PTK2B: variants seen among roughly 807,000 people sequenced by gnomAD.
PTK2B encodes the protein protein tyrosine kinase 2 beta.
PTK2B carries 71 observed loss-of-function variants against 142.9 expected under a neutral mutation model. The observed-to-expected ratio is 0.50, with a 90% CI of 0.41 to 0.61. The LOEUF (loss-of-function observed/expected upper bound fraction) is 0.61. Ranked by LOEUF, PTK2B falls within the 20% of genes least tolerant of loss-of-function variation. The probability of loss-of-function intolerance (pLI) is 0.00; values close to 1 mark genes in which losing one functional copy is unlikely to be tolerated. For synonymous variants in PTK2B, 519 were observed against 503.4 expected, an observed-to-expected ratio of 1.03 and a Z score of -0.42; for missense variants, 1,105 against 1,320.4, an observed-to-expected ratio of 0.84 and a Z score of 2.53.
intron 21 of PTK2B, among the ~76,000 whole-genome samples, 162 bp downstream of exon 21, chr8:27,440,603 A>G (rs1173528702): frequency 1.3e-5 from 2 of 152,214 alleles, no homozygotes; most frequent in Non-Finnish European, 2.9e-5. Flanking sequence ...GAGCTCAGAG[A>G]TAAGGCAGCC....
chr8:27,353,957 C>A (rs1805252017), intron 1 of PTK2B, among the ~76,000 whole-genome samples: 1 of 152,082 alleles, frequency 6.6e-6, no homozygotes, highest in African/African-American at 2.4e-5. Flanking sequence ...GGCTCACATA[C>A]CCAAATTAAG....
chr8:27,311,507 G>A, exon 1 of PTK2B: 1 of 525,678 alleles, frequency 1.9e-6, no homozygotes, highest in East Asian at 3.3e-5. Flanking sequence ...TCAGGTCCGG[G>A]CGGGTCCCTG....
chr8:27,422,196 G>A, intron 4 of PTK2B, 108 bp from the exon 5 acceptor site: 1 of 1,030,590 alleles, frequency 9.7e-7, no homozygotes, highest in South Asian at 1.7e-5. Flanking sequence ...TGGGGTGGGT[G>A]GCTGTCACTC....
chr8:27,397,461 G>A (rs1372321724), intron 1 of PTK2B, 87 bp from the exon 2 acceptor site: 36 of 1,008,484 alleles, frequency 3.6e-5, no homozygotes, highest in Non-Finnish European at 5.0e-5. Context: ...GTCTGTCTTG[G>A]AGCTCGGTGG....
At position 27,432,321 on chromosome 8, in the gene PTK2B, G is replaced by A. The variant is rs564271202; in HGVS notation, c.947G>A (p.Gly316Asp). 6.2e-7 allele frequency: 1 copy of A among 1,614,022 alleles called. No individual in the cohort carries two copies. Among genetic ancestry groups the A allele is most frequent in the African/African-American group, 1.3e-5 (1 of 75,024 alleles). ...RSIRCLPLEE[G>D]QAVLQLGIEG... Reference sequence around the variant, plus strand: ...ATCAGGTGCCTCCCGCTGGAGGAGGGCCAGGCAGTACTTCAGCTGGGCATT... The same window carrying A: ...ATCAGGTGCCTCCCGCTGGAGGAGGACCAGGCAGTACTTCAGCTGGGCATT... Residue 316 changes from glycine to aspartate, a missense_variant, in exon 10 of 31, where the codon GGC becomes GAC. By Grantham distance (94) the Gly-to-Asp change is moderately conservative. Transcript: ENST00000346049.
chr8:27,320,980 C>CTGTTTTTTTTTT (rs1803199335), upstream of PTK2B, among the ~76,000 whole-genome samples: 1 of 39,398 alleles, frequency 2.5e-5, no homozygotes, highest in African/African-American at 1.0e-4. Context: ...ATACAAAAGG[C>CTGTTTTTTTTTT]TTTTTTTTTT....
chr8:27,342,790 A>C (rs1804485459), intron 1 of PTK2B, among the ~76,000 whole-genome samples: 1 of 152,142 alleles, frequency 6.6e-6, no homozygotes, highest in Non-Finnish European at 1.5e-5. Flanking sequence ...CTTACACTAT[A>C]GTCCTGAGGA....
intron 1 of PTK2B, among the ~76,000 whole-genome samples, chr8:27,373,837 A>C (rs1806504317): frequency 6.6e-6 from 1 of 151,952 alleles, no homozygotes; most frequent in Admixed American, 6.6e-5. Context: ...GAGCCTTGGG[A>C]TGGGATCTTC....
chr8:27,435,810 G>T lies in PTK2B; in HGVS notation c.1243+17G>T, dbSNP rs755179598. ...GGCCCGGAGGTAGGTTCTCGACCCCGCCACAGCGACCGTAGTCAAGGCCCT... is the reference window on the plus strand; with the variant it reads ...GGCCCGGAGGTAGGTTCTCGACCCCTCCACAGCGACCGTAGTCAAGGCCCT... On this transcript the variant is annotated intron_variant, in intron 14 of 30. Transcript: ENST00000346049. 6.2e-7 allele frequency: 1 copy of T among 1,612,650 alleles called. No individual in the cohort carries two copies. Among genetic ancestry groups the T allele is most frequent in the Non-Finnish European group, 8.5e-7 (1 of 1,178,784 alleles).
chr8:27,310,714 G>A, upstream of PTK2B: 2 of 1,416,742 alleles, frequency 1.4e-6, no homozygotes, highest in Non-Finnish European at 1.9e-6. Flanking sequence ...CTGGGCTCTG[G>A]CAGGCAGGAG....
chr8:27,342,085 G>C (rs1458578913), intron 1 of PTK2B, among the ~76,000 whole-genome samples: 2 of 152,122 alleles, frequency 1.3e-5, no homozygotes, highest in African/African-American at 2.4e-5. Context: ...GACGCTGCTG[G>C]CCTGGGAACC....
chr8:27,335,312 G>T (rs1563470055), intron 1 of PTK2B, among the ~76,000 whole-genome samples: 1 of 152,218 alleles, frequency 6.6e-6, no homozygotes, highest in Non-Finnish European at 1.5e-5. Context: ...TGCTTTCAGG[G>T]CCAATTGCAG....
intron 25 of PTK2B, 28 bp from the exon 26 acceptor site, chr8:27,451,015 T>C: frequency 6.2e-7 from 1 of 1,611,034 alleles, no homozygotes; most frequent in Non-Finnish European, 8.5e-7. Context: ...GAATTCTTAG[T>C]CCTTCGCTCT....
upstream of PTK2B, among the ~76,000 whole-genome samples, chr8:27,321,669 C>T (rs1017596115): frequency 6.6e-6 from 1 of 152,204 alleles, no homozygotes; most frequent in Non-Finnish European, 1.5e-5. Context: ...GCGTGCATAA[C>T]TTCTACTCTT....
At chr8:27,387,878 G>C (rs771431040) in intron 1 of PTK2B, among the ~76,000 whole-genome samples, 1 of 149,458 alleles carries the variant, frequency 6.7e-6, no homozygotes, top group Admixed American at 6.7e-5. Context: ...CACAAGTTGC[G>C]TTTTGTTAAA....
chr8:27,342,444 T>TA (rs974743509), intron 1 of PTK2B, among the ~76,000 whole-genome samples: 25 of 152,236 alleles, frequency 1.6e-4, no homozygotes, highest in Middle Eastern at 3.4e-3. Flanking sequence ...GCTTTGTTCT[T>TA]AATGCTTCAA....
intron 1 of PTK2B, among the ~76,000 whole-genome samples, chr8:27,377,594 G>A (rs1354300581): frequency 6.6e-6 from 1 of 152,170 alleles, no homozygotes; most frequent in East Asian, 1.9e-4. Context: ...AACCCTTTCT[G>A]AGCCAGTGTC....
intron 2 of PTK2B, among the ~76,000 whole-genome samples, chr8:27,400,340 T>C (rs1043064564): frequency 1.8e-4 from 27 of 152,132 alleles, no homozygotes; most frequent in African/African-American, 5.5e-4. Flanking sequence ...AAATAAACAA[T>C]TTCTTATTTG....
upstream of PTK2B, chr8:27,311,405 A>T: frequency 2.0e-5 from 17 of 831,996 alleles, no homozygotes; most frequent in East Asian, 3.0e-5. Flanking sequence ...AGGGGGAGGG[A>T]GGGGGCGCTC....
Sources: allele counts gnomAD v4.1 joint callset (sites outside exome capture counted in the v4.1 genomes callset), GRCh38; gene constraint gnomAD v4.1.1; transcripts MANE v1.5; gene names NCBI Gene and HGNC (gene_info 2026-07-23, HGNC 2026-07-21).